Variants in MYMK observed in about 807,000 individuals in gnomAD.
MYMK encodes protein myomaker.
In MYMK, 16 loss-of-function variants were observed where a neutral mutation model predicts 22.4. The observed-to-expected ratio is 0.72, with a 90% CI of 0.48 to 1.09. The LOEUF (loss-of-function observed/expected upper bound fraction) is 1.09, where lower values mean the gene tolerates loss of function less well. Among genes scored for constraint, MYMK ranks in the 50% least tolerant of loss-of-function variants. The pLI is 0.00. For synonymous variants in MYMK, 125 were observed against 127.0 expected, an observed-to-expected ratio of 0.98 and a Z score of 0.11; for missense variants, 250 against 295.6, an observed-to-expected ratio of 0.85 and a Z score of 1.13.
Position 133,514,636 on chromosome 9 carries a change from T to G in MYMK, c.666A>C (p.Ter222CysextTer?), listed in dbSNP as rs910466175. The G allele has an allele frequency of 6.2e-7, 1 of 1,613,086 alleles. No individual in the cohort carries two copies. Among genetic ancestry groups the G allele is most frequent in the Non-Finnish European group, 8.5e-7 (1 of 1,179,420 alleles). Residue 222 changes from the stop codon to cysteine, a stop_lost, in exon 5 of 5, where the codon TGA becomes TGC. Transcript: ENST00000339996. ...DCSTLCCACV[*>C] ...GCTCAGAGCCGGGCTGGGCGCAGCA[T>G]CAGACACAAGCACAGCACAGGGTGG... is the stretch of plus-strand genomic sequence containing the variant.
chr9:133,515,119 C>G lies in MYMK; in HGVS notation c.517-334G>C, dbSNP rs1250946571. ...CCTTATCCCTCTTCCCCTGTTCCTCCCTCCCTCCTCCACTTTCTCCCTCCT... is the reference window on the plus strand; with the variant it reads ...CCTTATCCCTCTTCCCCTGTTCCTCGCTCCCTCCTCCACTTTCTCCCTCCT... On this transcript the variant is annotated intron_variant, in intron 4 of 4. Coordinates refer to ENST00000339996, the MANE Select transcript of MYMK (RefSeq NM_001080483.3). This position sits in a 1 kb window ranked among gnomAD's most constrained non-coding sequence, Gnocchi z 5.8. Among the ~76,000 whole-genome samples, 2 of 151,730 alleles carry G rather than the reference C, an allele frequency of 1.3e-5. No homozygotes were observed. Among genetic ancestry groups the G allele is most frequent in the Admixed American group, 6.6e-5 (1 of 15,254 alleles).
Position 133,518,927 on chromosome 9 carries a change from C to G in MYMK, c.346G>C (p.Gly116Arg). The change falls in exon 3 of 5, where the codon GGG (glycine) becomes CGG (arginine). Residue 116 changes from glycine (G) to arginine (R), a missense_variant. Physicochemically the swap from Gly to Arg is moderately radical, Grantham distance 125. Coordinates refer to ENST00000339996, the MANE Select transcript of MYMK (RefSeq NM_001080483.3). ...VRIYHDRWGY[G>R]VYSGPIGTAI... The stretch of plus-strand genomic sequence containing the variant: ...GTGCCGATGGGGCCCGAGTACACCC[C>G]GTAGCCCCATCGGTCATGGTAGATC... The G allele has an allele frequency of 2.5e-6, 4 of 1,613,814 alleles. No homozygotes were observed. The highest frequency in any genetic ancestry group is 3.4e-6 in the Non-Finnish European group (4 of 1,180,012).
At chr9:133,520,074 G>C in intron 2 of MYMK, 100 bp downstream of exon 2, 3 of 849,208 alleles carry the variant, frequency 3.5e-6, no homozygotes, top group Non-Finnish European at 5.9e-6. Flanking sequence ...GAGTGAGTGG[G>C]GATAGAGGGC....
intron 1 of MYMK, among the ~76,000 whole-genome samples, chr9:133,524,198 G>C (rs1844734967): frequency 6.6e-6 from 1 of 151,886 alleles, no homozygotes; most frequent in African/African-American, 2.4e-5. Flanking sequence ...GAGACCAGCA[G>C]GCCCTCCTGA....
intron 1 of MYMK, among the ~76,000 whole-genome samples, chr9:133,522,538 G>A (rs1844713868): frequency 6.6e-6 from 1 of 152,180 alleles, no homozygotes; most frequent in South Asian, 2.1e-4. Context: ...TTTGTCACAA[G>A]AGGCAGCTGC....
chr9:133,522,606 C>T (rs1271742358), intron 1 of MYMK, among the ~76,000 whole-genome samples: 1 of 152,114 alleles, frequency 6.6e-6, no homozygotes, highest in Non-Finnish European at 1.5e-5. Context: ...GAGGCAGCTG[C>T]GGGGCCAGCC....
rs182714166 is a variant in MYMK at position 133,518,786 on chromosome 9, A to C, written c.399+88T>G. 2,943 of 1,517,222 alleles carry C rather than the reference A, an allele frequency of 1.9e-3. 7 individuals are homozygous for C. The highest frequency in any genetic ancestry group is 2.5e-3 in the Non-Finnish European group (2,798 of 1,127,124). 94.0% of individuals were successfully genotyped at this position (1,517,222 alleles called of 1,614,324 possible). On this transcript the variant is annotated intron_variant, in intron 3 of 4. Coordinates refer to ENST00000339996, the MANE Select transcript of MYMK (RefSeq NM_001080483.3). ...CATTTGCCTATGAGGGCAGGAGGTAAATGAAGATCCGAGGCAGGAGGAGTC... is the reference window on the plus strand; with the variant it reads ...CATTTGCCTATGAGGGCAGGAGGTACATGAAGATCCGAGGCAGGAGGAGTC...
chr9:133,521,503 G>A (rs1844702594), intron 1 of MYMK, among the ~76,000 whole-genome samples: 1 of 152,166 alleles, frequency 6.6e-6, no homozygotes, highest in Non-Finnish European at 1.5e-5. Context: ...AAGTGACGGT[G>A]CACCTAGGAG....
At chr9:133,518,283 C>T (rs1236311054) in intron 3 of MYMK, among the ~76,000 whole-genome samples, 2 of 152,178 alleles carry the variant, frequency 1.3e-5, no homozygotes, top group Non-Finnish European at 1.5e-5. Context: ...ACGTGAGGGC[C>T]TTGCTGCTCT....
intron 3 of MYMK, among the ~76,000 whole-genome samples, chr9:133,517,666 C>CA (rs140245731): frequency 0.044 from 5,246 of 120,502 alleles, 341 homozygotes; most frequent in African/African-American, 0.14. Flanking sequence ...AACTCCGTCT[C>CA]AAAAAAAAAA....
rs138554974 is a variant in MYMK at position 133,524,040 on chromosome 9, G to A, written c.135+670C>T. Among the ~76,000 whole-genome samples the A allele has an allele frequency of 4.0e-4, 61 of 151,996 alleles. No individual in the cohort carries two copies. In the East Asian group the frequency reaches 8.3e-3, roughly 21 times the overall value. On this transcript the variant is annotated intron_variant, in intron 1 of 4. Transcript: ENST00000339996. ...GGTTCTGGGCGCTCCACTGAAAGCCGGATAAGATCACCCAATGACAGGTAC... is the reference window on the plus strand; with the variant it reads ...GGTTCTGGGCGCTCCACTGAAAGCCAGATAAGATCACCCAATGACAGGTAC...
At chr9:133,522,476 C>T (rs1193658058) in intron 1 of MYMK, among the ~76,000 whole-genome samples, 6 of 152,142 alleles carry the variant, frequency 3.9e-5, no homozygotes, top group East Asian at 3.8e-4. Context: ...GGACGCCATG[C>T]GGGTGGCAGA....
chr9:133,524,674 G>T (rs184451146), intron 1 of MYMK, 36 bp downstream of exon 1: 3 of 1,613,906 alleles, frequency 1.9e-6, no homozygotes, highest in Non-Finnish European at 2.5e-6. Context: ...CCAGGATGGG[G>T]CCTGTGTGGG....
intron 1 of MYMK, among the ~76,000 whole-genome samples, chr9:133,523,101 C>T (rs11534419): frequency 0.4 from 60,230 of 152,140 alleles, 12,771 homozygotes; most frequent in African/African-American, 0.53. Context: ...ACTGTCACCC[C>T]TGGGAGTGGC....
In MYMK at chr9:133,515,102, C is replaced by T. The variant is rs771787066; in HGVS notation, c.517-317G>A. Among the ~76,000 whole-genome samples the T allele has an allele frequency of 6.6e-6, 1 of 151,628 alleles. No individual in the cohort carries two copies. Among genetic ancestry groups the T allele is most frequent in the Non-Finnish European group, 1.5e-5 (1 of 67,830 alleles). ...CTCCCCCTCTTTTCTCTCCTTATCCCTCTTCCCCTGTTCCTCCCTCCCTCC... is the reference window on the plus strand; with the variant it reads ...CTCCCCCTCTTTTCTCTCCTTATCCTTCTTCCCCTGTTCCTCCCTCCCTCC... On this transcript the variant is annotated intron_variant, in intron 4 of 4. Transcript: ENST00000339996. The surrounding 1 kb of genome is among the most constrained non-coding windows in gnomAD (Gnocchi z 5.8).
chr9:133,517,101 C>T (rs768712093), intron 3 of MYMK, among the ~76,000 whole-genome samples: 14 of 152,204 alleles, frequency 9.2e-5, no homozygotes, highest in Non-Finnish European at 1.9e-4. Context: ...AGTGAATTCT[C>T]TTCTGGGCAA....
intron 3 of MYMK, among the ~76,000 whole-genome samples, chr9:133,517,615 A>G (rs1192883858): frequency 1.3e-5 from 2 of 151,362 alleles, no homozygotes; most frequent in African/African-American, 4.9e-5. Context: ...GCAGTGAGCC[A>G]AGATGGCGCC....
At chr9:133,518,831 G>T (rs1199910572) in intron 3 of MYMK, 43 bp downstream of exon 3, 2 of 1,585,446 alleles carry the variant, frequency 1.3e-6, no homozygotes, top group South Asian at 2.2e-5. Context: ...AGAGGTGACG[G>T]GCCTCCTGGG....
At position 133,514,680 on chromosome 9, in the gene MYMK, G is replaced by C; in HGVS notation, c.622C>G (p.Pro208Ala). The C allele has an allele frequency of 6.2e-7, 1 of 1,613,972 alleles. No individual in the cohort carries two copies. The highest frequency in any genetic ancestry group is 8.5e-7 in the Non-Finnish European group (1 of 1,179,858). Residue 208 changes from proline (P) to alanine (A), a missense_variant, in exon 5 of 5, where the codon CCG (proline) becomes GCG (alanine). Coordinates refer to ENST00000339996, the MANE Select transcript of MYMK (RefSeq NM_001080483.3). ...VNKKAGSPGT[P>A]AKLDCSTLCC... ...AGGGTGGAGCAGTCCAGCTTGGCCG[G>C]GGTCCCCGGGGATCCAGCCTTCTTG... is the stretch of plus-strand genomic sequence containing the variant.
Sources: gnomAD v4.1 joint callset for allele counts (sites outside exome capture counted in the v4.1 genomes callset) on GRCh38, gnomAD v4.1.1 for gene constraint, Gnocchi (gnomAD v3.1) non-coding constraint, MANE v1.5 for transcripts, NCBI Gene and HGNC (gene_info 2026-07-23, HGNC 2026-07-21) for gene names.